RSBN1L: variants seen among roughly 807,000 people sequenced by gnomAD.
RSBN1L encodes lysine-specific demethylase RSBN1L.
A neutral mutation model predicts 67.7 loss-of-function variants in RSBN1L; 30 were observed. The observed-to-expected ratio is 0.44, with a 90% CI of 0.33 to 0.60. The LOEUF is 0.60. Among genes scored for constraint, RSBN1L ranks in the 20% least tolerant of loss-of-function variants. RSBN1L has a pLI of 0.02. For missense variants in RSBN1L, 992 were observed against 1,031.7 expected (o/e 0.96, Z 0.53); for synonymous variants, 433 against 387.0 (o/e 1.12, Z -1.39).
At chr7:77,753,569 C>T (rs903927292) in intron 3 of RSBN1L, among the ~76,000 whole-genome samples, 1 of 152,160 alleles carries the variant, frequency 6.6e-6, no homozygotes, top group African/African-American at 2.4e-5. Context: ...CTTACCTTTT[C>T]ACTCATAGAT....
intron 1 of RSBN1L, among the ~76,000 whole-genome samples, chr7:77,731,621 T>G (rs1248589807): frequency 6.6e-6 from 1 of 152,228 alleles, no homozygotes; most frequent in Admixed American, 6.5e-5. Context: ...TGGATACATC[T>G]TTACCAAGTA....
intron 1 of RSBN1L, among the ~76,000 whole-genome samples, chr7:77,702,711 A>T (rs191948261): frequency 6.9e-4 from 105 of 152,246 alleles, no homozygotes; most frequent in African/African-American, 2.3e-3. Context: ...AACAGAAATT[A>T]ATTTTTTTAT....
rs779531960 is a variant in RSBN1L at position 77,725,244 on chromosome 7, C to CTTTTTTTTTTTTTTTTTT, written c.587-11162_587-11145dup. Among the ~76,000 whole-genome samples the CTTTTTTTTTTTTTTTTTT allele has an allele frequency of 4.7e-3, 344 of 73,580 alleles. 37 individuals are homozygous for CTTTTTTTTTTTTTTTTTT. The highest frequency in any genetic ancestry group is 6.2e-3 in the African/African-American group (92 of 14,940). The allele number at this position is 73,580 out of a possible 152,430, so 48.3% of individuals were successfully genotyped here. ...TTCTTCCCTAGGGATAAGCCCCCCA[C>CTTTTTTTTTTTTTTTTTT]TTTTTTTTTTTTTTTTTTTTTGAGA... On this transcript the variant is annotated intron_variant, in intron 1 of 7. Coordinates refer to ENST00000334955, the MANE Select transcript of RSBN1L (RefSeq NM_198467.3).
chr7:77,763,841 T>G (rs753998358), intron 3 of RSBN1L, among the ~76,000 whole-genome samples: 4 of 152,234 alleles, frequency 2.6e-5, no homozygotes, highest in Non-Finnish European at 4.4e-5. Context: ...CCCTTAATTT[T>G]CTAACTTGTA....
At chr7:77,723,866 G>A (rs1378740151) in intron 1 of RSBN1L, among the ~76,000 whole-genome samples, 1 of 152,112 alleles carries the variant, frequency 6.6e-6, no homozygotes, top group African/African-American at 2.4e-5. Context: ...CCTGGGAGGC[G>A]GAGGTTGCAG....
intron 1 of RSBN1L, among the ~76,000 whole-genome samples, chr7:77,731,009 C>T (rs569738955): frequency 1.5e-4 from 23 of 152,264 alleles, no homozygotes; most frequent in African/African-American, 5.5e-4. Flanking sequence ...ATGAGAGTTC[C>T]TTTTGCTCTG....
rs774073901 is a variant in RSBN1L, at chr7:77,778,463, T to A, written c.1902+17T>A. Reference sequence around the variant, plus strand: ...CTGTCCCAGGTATTTTTAATACACTTACTGTCTTTGGTTTAGTTTTTATTA... The same window carrying A: ...CTGTCCCAGGTATTTTTAATACACTAACTGTCTTTGGTTTAGTTTTTATTA... On this transcript the variant is annotated intron_variant, in intron 7 of 7. Transcript: ENST00000334955. The A allele has an allele frequency of 6.3e-7, 1 of 1,598,912 alleles. No individual in the cohort carries two copies. Among genetic ancestry groups the A allele is most frequent in the African/African-American group, 1.3e-5 (1 of 74,198 alleles).
At chr7:77,750,263 T>A (rs962320673) in intron 3 of RSBN1L, among the ~76,000 whole-genome samples, 199 bp downstream of exon 3, 10 of 148,700 alleles carry the variant, frequency 6.7e-5, no homozygotes, top group Admixed American at 2.0e-4. Context: ...TGTTTTTTTT[T>A]AAAGACAATT....
intron 2 of RSBN1L, among the ~76,000 whole-genome samples, chr7:77,736,806 C>G (rs1302401701): frequency 6.6e-6 from 1 of 152,064 alleles, no homozygotes; most frequent in Non-Finnish European, 1.5e-5. Context: ...GTTTGCATTA[C>G]TAGTCTTACT....
intron 1 of RSBN1L, among the ~76,000 whole-genome samples, chr7:77,725,920 C>CTA (rs1355059198): frequency 6.6e-6 from 1 of 151,958 alleles, no homozygotes; most frequent in East Asian, 1.9e-4. Context: ...CCTAAATATA[C>CTA]TATATATATG....
intron 3 of RSBN1L, among the ~76,000 whole-genome samples, chr7:77,752,106 T>C (rs577411900): frequency 2.0e-5 from 3 of 152,364 alleles, no homozygotes; most frequent in Middle Eastern, 3.4e-3. Context: ...AATGAGATGC[T>C]GGACTTGTTA....
chr7:77,768,892 G>C (rs1251252762), intron 5 of RSBN1L, 89 bp downstream of exon 5: 1 of 1,079,042 alleles, frequency 9.3e-7, no homozygotes, highest in Non-Finnish European at 1.4e-6. Flanking sequence ...AAGGAGGAAT[G>C]CAAAGTTTAG....
At chr7:77,737,535 T>C (rs1270874013) in intron 2 of RSBN1L, among the ~76,000 whole-genome samples, 1 of 152,238 alleles carries the variant, frequency 6.6e-6, no homozygotes, top group Non-Finnish European at 1.5e-5. Context: ...TTCTACGATA[T>C]TCTTTCAACC....
In RSBN1L at chr7:77,696,948, CTAAGGAG is replaced by C; in HGVS notation, c.480_486del (p.Lys161SerfsTer28). ...TCGGCTAACGCCAAGTCGCGCAGAC[CTAAGGAG>C]AAGCGGGAGAAGGAGAGGAGGAGGC... On this transcript the variant is annotated frameshift_variant, in exon 1 of 8. Coordinates refer to ENST00000334955, the MANE Select transcript of RSBN1L (RefSeq NM_198467.3). LOFTEE classifies it high-confidence loss of function. The C allele has an allele frequency of 6.3e-7, 1 of 1,593,364 alleles. No individual in the cohort carries two copies. Among genetic ancestry groups the C allele is most frequent in the Non-Finnish European group, 8.5e-7 (1 of 1,176,448 alleles).
At chr7:77,777,922 A>G (rs1470665833) in intron 6 of RSBN1L, among the ~76,000 whole-genome samples, 1 of 152,126 alleles carries the variant, frequency 6.6e-6, no homozygotes, top group Admixed American at 6.5e-5. Context: ...GTATAGTTAT[A>G]TGTATCTTCT....
chr7:77,726,534 T>C (rs1049355439), intron 1 of RSBN1L, among the ~76,000 whole-genome samples: 6 of 152,200 alleles, frequency 3.9e-5, no homozygotes, highest in Admixed American at 3.9e-4. Context: ...TTTAAAAATA[T>C]CGAAAAATTT....
intron 5 of RSBN1L, among the ~76,000 whole-genome samples, chr7:77,770,307 A>G (rs544577437): frequency 6.6e-6 from 1 of 152,176 alleles, no homozygotes; most frequent in East Asian, 1.9e-4. Flanking sequence ...CCTGGGAGAT[A>G]GAGGTTGCAG....
chr7:77,742,857 G>A (rs1226158089), intron 2 of RSBN1L, among the ~76,000 whole-genome samples: 1 of 152,066 alleles, frequency 6.6e-6, no homozygotes, highest in Non-Finnish European at 1.5e-5. Context: ...CAACAACAAC[G>A]AACTATATTG....
intron 2 of RSBN1L, among the ~76,000 whole-genome samples, chr7:77,743,587 T>C (rs1049402875): frequency 6.6e-6 from 1 of 152,260 alleles, no homozygotes. Flanking sequence ...GTTGTCTCTG[T>C]TCTATTTCAA....
Sources: gnomAD v4.1 joint callset for allele counts (sites outside exome capture counted in the v4.1 genomes callset) on GRCh38, gnomAD v4.1.1 for gene constraint, MANE v1.5 for transcripts, NCBI Gene and HGNC (gene_info 2026-07-23, HGNC 2026-07-21) for gene names.